PCDH7: variants seen among roughly 807,000 people sequenced by gnomAD.
PCDH7 encodes the protein protocadherin 7, also known as protocadherin-7.
PCDH7 carries 17 observed loss-of-function variants against 58.9 expected under a neutral mutation model. The observed-to-expected ratio is 0.29, with a 90% CI of 0.20 to 0.43. The LOEUF (loss-of-function observed/expected upper bound fraction) is 0.43. Ranked by LOEUF, PCDH7 falls within the 20% of genes least tolerant of loss-of-function variation. The pLI, the probability that PCDH7 is intolerant of heterozygous loss-of-function variation, is 1.00. For missense variants in PCDH7, 1,274 were observed against 1,441.0 expected, an observed-to-expected ratio of 0.88 and a Z score of 1.88; for synonymous variants, 664 against 616.4, an observed-to-expected ratio of 1.08 and a Z score of -1.14.
intron 3 of PCDH7, among the ~76,000 whole-genome samples, chr4:31,046,022 T>C (rs1023643576): frequency 2.0e-5 from 3 of 152,042 alleles, no homozygotes; most frequent in African/African-American, 7.2e-5. Flanking sequence ...TTATGTGAAA[T>C]GCAATCACGC....
chr4:31,113,526 A>G (rs1199405744), intron 3 of PCDH7, among the ~76,000 whole-genome samples: 1 of 152,160 alleles, frequency 6.6e-6, no homozygotes, highest in East Asian at 1.9e-4. Context: ...TCTGTGACAT[A>G]GAGAAGCTAA....
At chr4:31,006,415 C>G (rs1481831336) in intron 3 of PCDH7, among the ~76,000 whole-genome samples, 1 of 152,084 alleles carries the variant, frequency 6.6e-6, no homozygotes, top group Non-Finnish European at 1.5e-5. Context: ...TTAAAGGATG[C>G]TATTTCAATT....
intron 2 of PCDH7, among the ~76,000 whole-genome samples, chr4:30,947,760 G>T (rs1195068275): frequency 6.6e-6 from 1 of 152,062 alleles, no homozygotes; most frequent in Non-Finnish European, 1.5e-5. Context: ...AGTGCTATCT[G>T]TAGTCATTCT....
chr4:30,891,777 T>TC (rs1388341887), intron 1 of PCDH7, among the ~76,000 whole-genome samples: 1 of 141,592 alleles, frequency 7.1e-6, no homozygotes, highest in Non-Finnish European at 1.6e-5. Context: ...TTTTTTGTTT[T>TC]TTTTTTTTCT....
At chr4:30,915,211 A>T (rs1442730018) in intron 1 of PCDH7, among the ~76,000 whole-genome samples, 2 of 152,190 alleles carry the variant, frequency 1.3e-5, no homozygotes, top group Non-Finnish European at 2.9e-5. Context: ...CTTTGTTTTA[A>T]CTTCTACCCT....
chr4:30,843,385 G>C (rs1253439024), intron 1 of PCDH7, among the ~76,000 whole-genome samples: 2 of 152,014 alleles, frequency 1.3e-5, no homozygotes, highest in Non-Finnish European at 2.9e-5. Flanking sequence ...GTAGAGACAG[G>C]GTTTCGCCAT....
Position 30,721,773 on chromosome 4 carries a change from C to T in PCDH7, c.351C>T (p.Ile117=), listed in dbSNP as rs1241414714. 3.1e-6 allele frequency: 5 copies of T among 1,613,456 alleles called. No homozygotes were observed. Among genetic ancestry groups the T allele is most frequent in the South Asian group, 1.1e-5 (1 of 91,006 alleles). Residue 117 remains isoleucine (I), a synonymous_variant, in exon 1 of 2, where the codon ATC becomes ATT. Coordinates refer to ENST00000361762, the Ensembl canonical transcript of PCDH7. This position sits in a 1 kb window ranked among gnomAD's most constrained non-coding sequence, Gnocchi z 6.7. ...TCCTGGACTTCGAGGTGTCGGTGAT[C>T]GGGCCCTCGCAGAGCTGGGTGGACC...
intron 1 of PCDH7, among the ~76,000 whole-genome samples, chr4:30,776,740 A>G (rs1321262142): frequency 6.6e-6 from 1 of 152,186 alleles, no homozygotes; most frequent in Non-Finnish European, 1.5e-5. Flanking sequence ...AGATTTCACA[A>G]GAACAAAGTG....
intron 1 of PCDH7, among the ~76,000 whole-genome samples, chr4:30,760,921 C>G (rs947316610): frequency 3.3e-5 from 5 of 152,134 alleles, no homozygotes; most frequent in African/African-American, 1.2e-4. Flanking sequence ...CTTTGGAGTT[C>G]TGTTTACACC....
chr4:30,734,462 G>T (rs1427223648), downstream of PCDH7, among the ~76,000 whole-genome samples: 1 of 152,108 alleles, frequency 6.6e-6, no homozygotes, highest in Non-Finnish European at 1.5e-5. Flanking sequence ...TTGAACTCCT[G>T]ACCTCAAGTG....
chr4:31,010,233 A>C (rs1332221079), intron 3 of PCDH7, among the ~76,000 whole-genome samples: 1 of 152,108 alleles, frequency 6.6e-6, no homozygotes, highest in Admixed American at 6.6e-5. Flanking sequence ...TCTCAAACCA[A>C]CCACTCTATT....
chr4:30,768,814 A>G (rs189975821), intron 1 of PCDH7, among the ~76,000 whole-genome samples: 1 of 152,204 alleles, frequency 6.6e-6, no homozygotes, highest in African/African-American at 2.4e-5. Context: ...CTACACAAAA[A>G]GTAAGGACCA....
intron 2 of PCDH7, among the ~76,000 whole-genome samples, chr4:30,938,270 G>C (rs903586274): frequency 3.9e-5 from 6 of 151,966 alleles, no homozygotes; most frequent in African/African-American, 9.7e-5. Flanking sequence ...TAATATTTTT[G>C]TACTTCATTT....
intron 3 of PCDH7, among the ~76,000 whole-genome samples, chr4:30,987,366 G>A (rs533873833): frequency 6.6e-6 from 1 of 151,412 alleles, no homozygotes; most frequent in African/African-American, 2.4e-5. Flanking sequence ...TTTTTGTAAG[G>A]ACACCCAGCG....
At chr4:30,948,408 A>G (rs1169949373) in intron 2 of PCDH7, among the ~76,000 whole-genome samples, 2 of 152,096 alleles carry the variant, frequency 1.3e-5, no homozygotes, top group African/African-American at 2.4e-5. Flanking sequence ...TGCTTCTTCC[A>G]AAGACAAAAT....
intron 3 of PCDH7, among the ~76,000 whole-genome samples, chr4:31,016,204 T>G (rs1329656722): frequency 1.3e-5 from 2 of 152,306 alleles, no homozygotes; most frequent in African/African-American, 4.8e-5. Flanking sequence ...TCATTCACAA[T>G]TATTAGATTA....
intron 3 of PCDH7, among the ~76,000 whole-genome samples, chr4:30,989,395 A>G (rs1262638976): frequency 1.3e-5 from 2 of 152,216 alleles, no homozygotes; most frequent in African/African-American, 4.8e-5. Context: ...AAGATATCCC[A>G]GTGATGGAGC....
At chr4:30,972,281 T>A (rs781776627) in intron 3 of PCDH7, among the ~76,000 whole-genome samples, 11 of 151,940 alleles carry the variant, frequency 7.2e-5, no homozygotes, top group Non-Finnish European at 1.3e-4. Flanking sequence ...TAACATAGTG[T>A]TTTTTTTATA....
At chr4:31,051,760 G>T (rs537256635) in intron 3 of PCDH7, among the ~76,000 whole-genome samples, 1 of 145,412 alleles carries the variant, frequency 6.9e-6, no homozygotes, top group South Asian at 2.2e-4. Context: ...ATCTTCTGTA[G>T]AAAAATATTA....
Sources: allele counts gnomAD v4.1 joint callset (sites outside exome capture counted in the v4.1 genomes callset), GRCh38; gene constraint gnomAD v4.1.1; non-coding constraint Gnocchi (gnomAD v3.1); transcripts MANE v1.5; gene names NCBI Gene and HGNC (gene_info 2026-07-23, HGNC 2026-07-21).